RNF157: variants seen among roughly 807,000 people sequenced by gnomAD.
RNF157 encodes the protein E3 ubiquitin ligase RNF157.
Under a neutral mutation model 88.3 loss-of-function variants are expected in RNF157, and 55 were observed. That is an observed-to-expected ratio of 0.62 (90% confidence interval 0.50 to 0.78). The LOEUF (loss-of-function observed/expected upper bound fraction) is 0.78, where lower values mean the gene tolerates loss of function less well. Ranked by LOEUF, RNF157 falls within the 30% of genes least tolerant of loss-of-function variation. The pLI is 0.00. For missense variants in RNF157, 788 were observed against 860.8 expected (o/e 0.92, Z 1.06); for synonymous variants, 334 against 341.2 (o/e 0.98, Z 0.23).
At chr17:76,170,921 C>T (rs1004989998) in intron 3 of RNF157, among the ~76,000 whole-genome samples, 1 of 152,102 alleles carries the variant, frequency 6.6e-6, no homozygotes, top group Non-Finnish European at 1.5e-5. Flanking sequence ...GAGATGGAGT[C>T]TCACTCTGTC....
intron 1 of RNF157, among the ~76,000 whole-genome samples, chr17:76,231,744 G>C (rs1458511547): frequency 1.3e-5 from 2 of 152,114 alleles, no homozygotes; most frequent in Non-Finnish European, 2.9e-5. Flanking sequence ...AAACCCCTCT[G>C]TGCTGTTATT....
intron 6 of RNF157, among the ~76,000 whole-genome samples, chr17:76,165,779 C>G (rs2068914119): frequency 6.6e-6 from 1 of 151,708 alleles, no homozygotes; most frequent in African/African-American, 2.4e-5. Context: ...CCGGTTCCAG[C>G]AATTCTCCTG....
Position 76,198,610 on chromosome 17 carries a change from T to C in RNF157, c.207+13754A>G, listed in dbSNP as rs968249287. ...ACGTCAGTGTCCTCTTCATTCCTTC[T>C]GCAGCCTGAGGTCAAACCTCCATCA... On this transcript the variant is annotated intron_variant, in intron 2 of 18. Coordinates refer to ENST00000269391, the MANE Select transcript of RNF157 (RefSeq NM_052916.3). 3.9e-5 allele frequency among the ~76,000 whole-genome samples: 6 copies of C among 152,342 alleles called. No homozygotes were observed. The East Asian group carries it at 1.2e-3, about 29-fold the overall frequency.
Position 76,166,471 on chromosome 17 carries a change from A to C in RNF157, c.618T>G (p.Asp206Glu). Residue 206 changes from aspartate to glutamate, a missense_variant, in exon 6 of 19, where the codon GAT (aspartate) becomes GAG (glutamate). Physicochemically the swap from Asp to Glu is conservative, Grantham distance 45 (BLOSUM62 2). Coordinates refer to ENST00000269391, the MANE Select transcript of RNF157 (RefSeq NM_052916.3). Reference sequence around the variant, plus strand: ...AGAAATCGCCCCTACCGTCTCCTTCATCCACCACGGCATGTACCACTAGAG... The same window carrying C: ...AGAAATCGCCCCTACCGTCTCCTTCCTCCACCACGGCATGTACCACTAGAG... Reference protein sequence around the residue: ...VYPLVVHAVVDEGDEYFGHCH... With the variant: ...VYPLVVHAVVEEGDEYFGHCH... The C allele has an allele frequency of 1.2e-6, 2 of 1,613,980 alleles. No individual in the cohort carries two copies. Among genetic ancestry groups the C allele is most frequent in the South Asian group, 1.1e-5 (1 of 91,074 alleles).
In RNF157 at chr17:76,165,452, C is replaced by T. The variant is rs16968642; in HGVS notation, c.672+50G>A. 297,695 of 1,596,822 alleles carry T rather than the reference C, an allele frequency of 0.19. 28,277 individuals carry two copies. The highest frequency in any genetic ancestry group is 0.28 in the Middle Eastern group (1,686 of 6,028). On this transcript the variant is annotated intron_variant, in intron 7 of 18. Coordinates refer to ENST00000269391, the MANE Select transcript of RNF157 (RefSeq NM_052916.3). ...GCAAACGGGTTACATGTGTCTCACA[C>T]GAAAGAAAGGGCTAAAGGCAATAAA...
At chr17:76,208,337 T>C (rs2069717361) in intron 2 of RNF157, among the ~76,000 whole-genome samples, 1 of 152,154 alleles carries the variant, frequency 6.6e-6, no homozygotes, top group African/African-American at 2.4e-5. Context: ...TTAGCAAAAA[T>C]GGCAGCATGG....
intron 11 of RNF157, 33 bp from the exon 12 acceptor site, chr17:76,159,606 T>C: frequency 6.8e-7 from 1 of 1,465,902 alleles, no homozygotes; most frequent in Non-Finnish European, 9.5e-7. Context: ...GAAAAATTAA[T>C]TAGGTCCTTT....
At chr17:76,188,869 A>G (rs1028125527) in intron 2 of RNF157, among the ~76,000 whole-genome samples, 1 of 152,248 alleles carries the variant, frequency 6.6e-6, no homozygotes, top group African/African-American at 2.4e-5. Flanking sequence ...ATCAACAGCA[A>G]TAAGTCATGT....
chr17:76,233,069 G>A (rs529307627), intron 1 of RNF157, among the ~76,000 whole-genome samples: 12 of 151,922 alleles, frequency 7.9e-5, no homozygotes, highest in South Asian at 4.2e-4. Context: ...TACAGGTACC[G>A]GCCACCACGC....
intron 1 of RNF157, among the ~76,000 whole-genome samples, chr17:76,237,333 G>A (rs989970536): frequency 6.6e-6 from 1 of 152,168 alleles, no homozygotes; most frequent in African/African-American, 2.4e-5. Context: ...CTGTTCCACC[G>A]GCAGTGCAGG....
At position 76,161,723 on chromosome 17, in the gene RNF157, T is replaced by G; in HGVS notation, c.953-76A>C. The G allele has an allele frequency of 6.5e-7, 1 of 1,530,966 alleles. No homozygotes were observed. The highest frequency in any genetic ancestry group is 9.0e-7 in the Non-Finnish European group (1 of 1,115,300). The allele number at this position is 1,530,966 out of a possible 1,614,324, so 94.8% of individuals were successfully genotyped here. On this transcript the variant is annotated intron_variant, in intron 10 of 18. Coordinates refer to ENST00000269391, the MANE Select transcript of RNF157 (RefSeq NM_052916.3). This position sits in a 1 kb window ranked among gnomAD's most constrained non-coding sequence, Gnocchi z 4.6. ...TGAACAAGAGCCCAGACAGAAACCA[T>G]GATCCCTCCCAGCGCGCATCCGTTT...
At chr17:76,152,575 T>C in intron 17 of RNF157, 110 bp from the exon 18 acceptor site, 1 of 712,480 alleles carries the variant, frequency 1.4e-6, no homozygotes, top group Non-Finnish European at 2.5e-6. Flanking sequence ...AAATCATATG[T>C]TAAAAAAAAG....
chr17:76,188,284 T>A (rs747654155), intron 2 of RNF157, among the ~76,000 whole-genome samples: 20 of 152,114 alleles, frequency 1.3e-4, no homozygotes, highest in Admixed American at 7.9e-4. Context: ...CACTGCCCCA[T>A]GTGGTCACCC....
intron 6 of RNF157, 106 bp from the exon 7 acceptor site, chr17:76,165,651 G>T: frequency 8.4e-7 from 1 of 1,195,764 alleles, no homozygotes; most frequent in Non-Finnish European, 1.2e-6. Context: ...GTGCCAGTCT[G>T]TCTCTAGAAG....
Position 76,143,109 on chromosome 17 carries a change from G to A in RNF157, c.*2126C>T, listed in dbSNP as rs2068538097. 1 of 152,502 alleles carries A rather than the reference G, an allele frequency of 6.6e-6. No homozygotes were observed. Among genetic ancestry groups the A allele is most frequent in the African/African-American group, 2.4e-5 (1 of 41,466 alleles). 9.4% of individuals were successfully genotyped at this position (152,502 alleles called of 1,614,324 possible). The stretch of plus-strand genomic sequence containing the variant: ...AGAGCTAAATGACAGCCAAGAGAAG[G>A]CAGGGGGAGGGAGGAAGAGGAGAAA... On this transcript the variant is annotated 3_prime_UTR_variant, in exon 19 of 19. Transcript: ENST00000269391.
chr17:76,210,254 T>C (rs575222126), intron 2 of RNF157, among the ~76,000 whole-genome samples: 4 of 152,064 alleles, frequency 2.6e-5, no homozygotes, highest in Non-Finnish European at 4.4e-5. Context: ...TTTTGAAAAG[T>C]GTACTACTGG....
chr17:76,175,318 T>C (rs2069086933), intron 2 of RNF157, among the ~76,000 whole-genome samples: 1 of 152,248 alleles, frequency 6.6e-6, no homozygotes, highest in Non-Finnish European at 1.5e-5. Flanking sequence ...CCTATATTTC[T>C]GCATGCTTGT....
chr17:76,228,612 T>C (rs2070135217), intron 1 of RNF157, among the ~76,000 whole-genome samples: 1 of 152,132 alleles, frequency 6.6e-6, no homozygotes, highest in African/African-American at 2.4e-5. Flanking sequence ...AAAAGTTCCA[T>C]CTGCCATGTC....
At chr17:76,201,162 C>T (rs6416850) in intron 2 of RNF157, among the ~76,000 whole-genome samples, 26,670 of 151,636 alleles carry the variant, frequency 0.18, 6,127 homozygotes, top group African/African-American at 0.54. Flanking sequence ...AATGAAAACA[C>T]GTTCACTGGA....
Sources: allele counts gnomAD v4.1 joint callset (sites outside exome capture counted in the v4.1 genomes callset), GRCh38; gene constraint gnomAD v4.1.1; non-coding constraint Gnocchi (gnomAD v3.1); transcripts MANE v1.5; gene names NCBI Gene and HGNC (gene_info 2026-07-23, HGNC 2026-07-21).